DOP1A: variants seen among roughly 807,000 people sequenced by gnomAD.
DOP1A encodes DOP1 leucine zipper like protein A, also known as protein DOP1A.
DOP1A carries 90 observed loss-of-function variants against 267.6 expected under a neutral mutation model. The ratio of observed to expected loss-of-function variants is 0.34; its 90% confidence interval spans 0.28 to 0.40. The LOEUF (loss-of-function observed/expected upper bound fraction) is 0.40, where lower values mean the gene tolerates loss of function less well. DOP1A is among the 10% of genes least tolerant of loss of function. DOP1A has a pLI of 1.00. For synonymous variants in DOP1A, 932 were observed against 999.1 expected (o/e 0.93, Z 1.27); for missense variants, 2,437 against 2,900.4 (o/e 0.84, Z 3.67).
intron 7 of DOP1A, among the ~76,000 whole-genome samples, chr6:83,118,315 T>C (rs1366245138): frequency 6.6e-6 from 1 of 151,982 alleles, no homozygotes; most frequent in African/African-American, 2.4e-5. Context: ...ATTAAGGATA[T>C]TGGGAAAAAA....
chr6:83,131,798 G>A (rs1219680584), intron 17 of DOP1A, among the ~76,000 whole-genome samples: 1 of 152,072 alleles, frequency 6.6e-6, no homozygotes. Flanking sequence ...ACCATGCCTG[G>A]CTAACTTTTT....
chr6:83,106,767 C>G (rs1355395403), intron 4 of DOP1A, among the ~76,000 whole-genome samples: 1 of 147,892 alleles, frequency 6.8e-6, no homozygotes, highest in Non-Finnish European at 1.5e-5. Flanking sequence ...CTGGTTGCAC[C>G]ACTACACTTC....
At chr6:83,107,913 G>A (rs996355001) in intron 4 of DOP1A, among the ~76,000 whole-genome samples, 1 of 152,204 alleles carries the variant, frequency 6.6e-6, no homozygotes, top group Non-Finnish European at 1.5e-5. Context: ...AGTATCAGTG[G>A]ATTGTACAGA....
intron 38 of DOP1A, 75 bp from the exon 39 acceptor site, chr6:83,167,787 T>C: frequency 6.8e-7 from 1 of 1,472,624 alleles, no homozygotes; most frequent in Non-Finnish European, 9.0e-7. Context: ...TTGCCAAAGT[T>C]TATATATTTT....
intron 4 of DOP1A, among the ~76,000 whole-genome samples, chr6:83,102,393 T>A (rs1168544108): frequency 6.6e-6 from 1 of 152,210 alleles, no homozygotes; most frequent in Non-Finnish European, 1.5e-5. Flanking sequence ...CCTCACCTGT[T>A]TGTGTTTGTG....
chr6:83,135,848 C>T lies in DOP1A; in HGVS notation c.3100C>T (p.His1034Tyr). The change falls in exon 20 of 39, where the codon CAT becomes TAT. Residue 1034 changes from histidine to tyrosine, a missense_variant. His to Tyr is a moderately conservative substitution (Grantham distance 83, BLOSUM62 2). Coordinates refer to ENST00000349129, the MANE Select transcript of DOP1A (RefSeq NM_015018.4). Reference sequence around the variant, plus strand: ...TTATCCAGGAGAGGAGAGTGACAAGCATTTCATGCAAAATTTTGCCTGCAG... The same window carrying T: ...TTATCCAGGAGAGGAGAGTGACAAGTATTTCATGCAAAATTTTGCCTGCAG... ...PCYPGEESDK[H>Y]FMQNFACSNV... is the part of the protein sequence containing the mutation. 1 of 1,613,516 alleles carries T rather than the reference C, an allele frequency of 6.2e-7. No individual in the cohort carries two copies. The highest frequency in any genetic ancestry group is 8.5e-7 in the Non-Finnish European group (1 of 1,179,602).
chr6:83,113,258 A>G (rs951610696), intron 6 of DOP1A, 65 bp from the exon 7 acceptor site: 72 of 1,291,182 alleles, frequency 5.6e-5, no homozygotes, highest in Non-Finnish European at 7.2e-5. Flanking sequence ...AAGAGTTGTC[A>G]CATTTTCGTG....
rs183394218 is a variant in DOP1A, at chr6:83,105,258, C to T, written c.321-3652C>T. ...AATATTTGTTTAATGAATAAAGAAACGCTATTTGTTATACTCAATTCTTTG... is the reference window on the plus strand; with the variant it reads ...AATATTTGTTTAATGAATAAAGAAATGCTATTTGTTATACTCAATTCTTTG... On this transcript the variant is annotated intron_variant, in intron 4 of 38. Coordinates refer to ENST00000349129, the MANE Select transcript of DOP1A (RefSeq NM_015018.4). Among the ~76,000 whole-genome samples the T allele has an allele frequency of 9.0e-4, 134 of 149,206 alleles. No homozygotes were observed. In the East Asian group the frequency reaches 0.012, roughly 13 times the overall value.
chr6:83,073,011 G>T, intron 1 of DOP1A: 1 of 369,262 alleles, frequency 2.7e-6, no homozygotes, highest in South Asian at 2.1e-5. Context: ...CTGACATTTT[G>T]GAAGAAATAA....
intron 12 of DOP1A, among the ~76,000 whole-genome samples, chr6:83,124,068 C>T (rs1335266008): frequency 6.6e-6 from 1 of 152,066 alleles, no homozygotes; most frequent in Non-Finnish European, 1.5e-5. Context: ...ATCAATGCCT[C>T]CACACTGTCA....
At chr6:83,164,639 TTC>T in intron 38 of DOP1A, 1 of 1,559,114 alleles carries the variant, frequency 6.4e-7, no homozygotes, top group East Asian at 2.4e-5. Flanking sequence ...AGGCTGTGAG[TTC>T]TCCTCTTTCC....
At chr6:83,158,889 GT>G (rs754998695) in intron 36 of DOP1A, among the ~76,000 whole-genome samples, 5 of 152,144 alleles carry the variant, frequency 3.3e-5, no homozygotes, top group Non-Finnish European at 5.9e-5. Context: ...AGCTAGGCTG[GT>G]TTTGGTAAGT....
chr6:83,130,091 T>C, intron 16 of DOP1A, 32 bp from the exon 17 acceptor site: 13 of 1,601,464 alleles, frequency 8.1e-6, no homozygotes, highest in Non-Finnish European at 1.1e-5. Flanking sequence ...TTTAGTATAA[T>C]GAACTCTGAT....
rs748928432 is a variant in DOP1A, at chr6:83,159,864, A to G, written c.6866A>G (p.Tyr2289Cys). 14 of 1,614,004 alleles carry G rather than the reference A, an allele frequency of 8.7e-6. No homozygotes were observed. Among genetic ancestry groups the G allele is most frequent in the African/African-American group, 1.3e-5 (1 of 74,904 alleles). Residue 2289 changes from tyrosine to cysteine, a missense_variant, in exon 37 of 39, where the codon TAT (tyrosine) becomes TGT (cysteine). This residue lies in a region of DOP1A where 197 missense variants were observed against 246.5 expected (regional missense o/e 0.80). Coordinates refer to ENST00000349129, the MANE Select transcript of DOP1A (RefSeq NM_015018.4). ...YTGGNGFSTSYNSQRWLNLYL... is the reference protein window; with the variant it reads ...YTGGNGFSTSCNSQRWLNLYL... ...GGAGGTAATGGCTTCTCTACTTCAT[A>G]TAACAGCCAGCGGTGGTTAAACCTC...
chr6:83,129,841 A>G (rs953426027), intron 16 of DOP1A, among the ~76,000 whole-genome samples: 5 of 152,194 alleles, frequency 3.3e-5, no homozygotes, highest in African/African-American at 1.2e-4. Flanking sequence ...ATATACACAC[A>G]AAGTGCAGTG....
chr6:83,122,055 A>T lies in DOP1A; in HGVS notation c.1220+5A>T. 1 of 1,607,704 alleles carries T rather than the reference A, an allele frequency of 6.2e-7. No individual in the cohort carries two copies. Among genetic ancestry groups the T allele is most frequent in the Non-Finnish European group, 8.5e-7 (1 of 1,176,792 alleles). On this transcript the variant is annotated splice_donor_5th_base_variant and intron_variant, in intron 11 of 38. Coordinates refer to ENST00000349129, the MANE Select transcript of DOP1A (RefSeq NM_015018.4). ...GGATCATGCTCAGTTAAGCAGGTGG[A>T]TTATCAAAAAATTAAATGTGACATG...
chr6:83,135,589 CTTTAT>C (rs1390084901), intron 19 of DOP1A, 25 bp from the exon 20 acceptor site: 9 of 1,587,598 alleles, frequency 5.7e-6, no homozygotes, highest in Admixed American at 1.8e-5. Context: ...ATGTTTGGTT[CTTTAT>C]TTTAATTATT....
intron 1 of DOP1A, among the ~76,000 whole-genome samples, chr6:83,076,784 T>C (rs564674695): frequency 1.7e-4 from 26 of 152,000 alleles, no homozygotes; most frequent in African/African-American, 4.8e-5. Flanking sequence ...TCCAAAAGAG[T>C]TGAAAGCAGG....
At chr6:83,111,106 CATACTGTAT>C (rs1774481902) in intron 6 of DOP1A, among the ~76,000 whole-genome samples, 1 of 151,974 alleles carries the variant, frequency 6.6e-6, no homozygotes, top group African/African-American at 2.4e-5. Context: ...TTAAATAAAT[CATACTGTAT>C]ATAAGTGGAC....
Sources: allele counts gnomAD v4.1 joint callset (sites outside exome capture counted in the v4.1 genomes callset), GRCh38; gene constraint gnomAD v4.1.1; regional missense constraint gnomAD v4.1.1; transcripts MANE v1.5; gene names NCBI Gene and HGNC (gene_info 2026-07-23, HGNC 2026-07-21).